Variants in HDAC4 observed in about 807,000 individuals in gnomAD.
HDAC4 encodes the protein histone deacetylase 4, also known as histone deacetylase A.
A neutral mutation model predicts 135.1 loss-of-function variants in HDAC4; 16 were observed. The ratio of observed to expected loss-of-function variants is 0.12; its 90% CI spans 0.08 to 0.18. The LOEUF (loss-of-function observed/expected upper bound fraction) is 0.18, where lower values mean the gene tolerates loss of function less well. Ranked by LOEUF, HDAC4 falls within the 10% of genes least tolerant of loss-of-function variation. The pLI, the probability that HDAC4 is intolerant of heterozygous loss-of-function variation, is 1.00. For missense variants in HDAC4, 1,143 were observed against 1,511.8 expected, an observed-to-expected ratio of 0.76 and a Z score of 4.05; for synonymous variants, 685 against 653.4, an observed-to-expected ratio of 1.05 and a Z score of -0.74.
intron 7 of HDAC4, among the ~76,000 whole-genome samples, chr2:239,154,456 G>A (rs2042299625): frequency 6.6e-6 from 1 of 152,106 alleles, no homozygotes; most frequent in Admixed American, 6.5e-5. Context: ...TTACATGAAT[G>A]AGCACACATC....
rs61051562 is a variant in HDAC4 at position 239,297,541 on chromosome 2, G to A, written c.22+55137C>T. ...CTATGAGCTACTGTGGAGCGGTGCT[G>A]TGCTGCGGTTTCCTTAACGGAGGGA... On this transcript the variant is annotated intron_variant, in intron 2 of 26. Transcript: ENST00000543185. 9.4e-3 allele frequency among the ~76,000 whole-genome samples: 1,425 copies of A among 152,364 alleles called. 63 individuals carry two copies. The East Asian group carries it at 0.096, about 10-fold the overall frequency.
At chr2:239,398,657 G>A (rs937056079) in intron 1 of HDAC4, among the ~76,000 whole-genome samples, 2 of 152,366 alleles carry the variant, frequency 1.3e-5, no homozygotes, top group South Asian at 2.1e-4. Context: ...CAGCCCCCAA[G>A]GCCTCCGAGA....
chr2:239,070,631 C>T (rs1313060501), intron 22 of HDAC4, among the ~76,000 whole-genome samples: 1 of 152,206 alleles, frequency 6.6e-6, no homozygotes, highest in Admixed American at 6.5e-5. Flanking sequence ...TCAGGGCCTC[C>T]CTTTCCTGGC....
Position 239,068,432 on chromosome 2 carries a change from C to T in HDAC4, c.2869+57G>A. 1 of 1,248,008 alleles carries T rather than the reference C, an allele frequency of 8.0e-7. No individual in the cohort carries two copies. The highest frequency in any genetic ancestry group is 2.3e-5 in the East Asian group (1 of 43,120). The allele number at this position is 1,248,008 out of a possible 1,614,324, so 77.3% of individuals were successfully genotyped here. On this transcript the variant is annotated intron_variant, in intron 23 of 26. Coordinates refer to ENST00000543185, the MANE Select transcript of HDAC4 (RefSeq NM_001378414.1). The surrounding 1 kb of genome is among the most constrained non-coding windows in gnomAD (Gnocchi z 4.4). ...AAAAGGGGACCTGACACGCGGAACACAGCGGATCATGGACATGAGCAGAAC... is the reference window on the plus strand; with the variant it reads ...AAAAGGGGACCTGACACGCGGAACATAGCGGATCATGGACATGAGCAGAAC...
At chr2:239,165,363 G>C (rs1472151009) in intron 5 of HDAC4, among the ~76,000 whole-genome samples, 1 of 152,216 alleles carries the variant, frequency 6.6e-6, no homozygotes, top group Non-Finnish European at 1.5e-5. Context: ...AGGCATCACT[G>C]TGAGGCACCC....
intron 2 of HDAC4, among the ~76,000 whole-genome samples, chr2:239,305,994 C>A (rs1480690051): frequency 6.6e-6 from 1 of 152,212 alleles, no homozygotes; most frequent in East Asian, 1.9e-4. Flanking sequence ...TGGGCAAGCA[C>A]AGTGTCTGCG....
At chr2:239,341,374 G>C (rs113831674) in intron 2 of HDAC4, among the ~76,000 whole-genome samples, 1 of 152,258 alleles carries the variant, frequency 6.6e-6, no homozygotes, top group Admixed American at 6.5e-5. Context: ...TGCAGTGTCA[G>C]ACCGGGATGA....
chr2:239,109,849 G>T (rs2038509034), intron 14 of HDAC4, among the ~76,000 whole-genome samples: 1 of 152,218 alleles, frequency 6.6e-6, no homozygotes, highest in Non-Finnish European at 1.5e-5. Context: ...ATCATGATAA[G>T]GTCACGTGCG....
chr2:239,216,692 T>C (rs1486279600), intron 3 of HDAC4, among the ~76,000 whole-genome samples: 3 of 152,238 alleles, frequency 2.0e-5, no homozygotes, highest in South Asian at 2.1e-4. Flanking sequence ...GCCTTCACTC[T>C]GCCCTGCTGC....
intron 2 of HDAC4, among the ~76,000 whole-genome samples, chr2:239,246,977 G>C (rs556630205): frequency 1.4e-4 from 22 of 152,358 alleles, no homozygotes; most frequent in African/African-American, 5.0e-4. Context: ...AGAGCCAGTG[G>C]GAGGAGTCAC....
rs114912203 is a variant in HDAC4, at chr2:239,391,776, A to G, written c.-220+9202T>C. On this transcript the variant is annotated intron_variant, in intron 1 of 26. Coordinates refer to ENST00000543185, the MANE Select transcript of HDAC4 (RefSeq NM_001378414.1). The stretch of plus-strand genomic sequence containing the variant: ...CCACCAATCAGACCCTTCACCCCAC[A>G]CCCACGAGAGCACCGAGGAACCAGG... 7.0e-3 allele frequency among the ~76,000 whole-genome samples: 1,062 copies of G among 152,258 alleles called. 5 individuals are homozygous for G. Among genetic ancestry groups the G allele is most frequent in the Middle Eastern group, 0.054 (16 of 294 alleles).
At chr2:239,144,447 G>A (rs1190215483) in intron 8 of HDAC4, 136 bp downstream of exon 8, 4 of 1,177,662 alleles carry the variant, frequency 3.4e-6, no homozygotes, top group Admixed American at 1.7e-5. Context: ...CAGCGCCATG[G>A]GAACAGGACC....
intron 2 of HDAC4, among the ~76,000 whole-genome samples, chr2:239,286,988 A>G (rs2051174567): frequency 6.6e-6 from 1 of 152,208 alleles, no homozygotes. Context: ...AAGTGACCCC[A>G]GCAGGAGAGT....
At chr2:239,183,395 T>A (rs1559191904) in intron 4 of HDAC4, among the ~76,000 whole-genome samples, 1 of 152,216 alleles carries the variant, frequency 6.6e-6, no homozygotes, top group African/African-American at 2.4e-5. Context: ...CGCGCCCGCA[T>A]AAAGCGGCAG....
At chr2:239,143,666 T>C (rs1328070738) in intron 8 of HDAC4, among the ~76,000 whole-genome samples, 1 of 151,998 alleles carries the variant, frequency 6.6e-6, no homozygotes, top group Non-Finnish European at 1.5e-5. Flanking sequence ...ATTTAGCGGG[T>C]AGGTCTGGCT....
intron 7 of HDAC4, among the ~76,000 whole-genome samples, chr2:239,147,040 G>A (rs752625350): frequency 2.6e-5 from 4 of 152,160 alleles, no homozygotes; most frequent in Non-Finnish European, 5.9e-5. Flanking sequence ...CCCTCCGCTC[G>A]TCCCTGCCCC....
chr2:239,120,369 A>G (rs1403946384), intron 12 of HDAC4, among the ~76,000 whole-genome samples: 1 of 151,842 alleles, frequency 6.6e-6, no homozygotes, highest in African/African-American at 2.4e-5. Context: ...ACACAGATAC[A>G]TATACCCGCA....
intron 2 of HDAC4, among the ~76,000 whole-genome samples, chr2:239,347,912 C>A (rs935957299): frequency 6.6e-6 from 1 of 151,786 alleles, no homozygotes; most frequent in Admixed American, 6.6e-5. Context: ...GCTCAACCAG[C>A]TTCCTATCGA....
At chr2:239,283,971 C>T (rs138987901) in intron 2 of HDAC4, among the ~76,000 whole-genome samples, 22 of 152,334 alleles carry the variant, frequency 1.4e-4, no homozygotes, top group Non-Finnish European at 3.2e-4. Flanking sequence ...GGATCTACAG[C>T]GGTGAGGCCC....
Sources: allele counts gnomAD v4.1 joint callset (sites outside exome capture counted in the v4.1 genomes callset), GRCh38; gene constraint gnomAD v4.1.1; non-coding constraint Gnocchi (gnomAD v3.1); transcripts MANE v1.5; gene names NCBI Gene and HGNC (gene_info 2026-07-23, HGNC 2026-07-21).